TSHZ2: variants seen among roughly 807,000 people sequenced by gnomAD.
TSHZ2 encodes teashirt zinc finger homeobox 2.
A neutral mutation model predicts 74.4 loss-of-function variants in TSHZ2; 21 were observed. That is an observed-to-expected ratio of 0.28 (90% CI 0.20 to 0.41). The LOEUF (loss-of-function observed/expected upper bound fraction) is 0.41. Ranked by LOEUF, TSHZ2 falls within the 10% of genes least tolerant of loss-of-function variation. The probability of loss-of-function intolerance (pLI) is 1.00; values close to 1 mark genes in which losing one functional copy is unlikely to be tolerated. For missense variants in TSHZ2, 1,244 were observed against 1,293.5 expected (o/e 0.96, Z 0.59); for synonymous variants, 540 against 515.3 (o/e 1.05, Z -0.65).
At chr20:53,440,237 C>A (rs185081864) in intron 2 of TSHZ2, among the ~76,000 whole-genome samples, 1 of 152,044 alleles carries the variant, frequency 6.6e-6, no homozygotes, top group South Asian at 2.1e-4. Flanking sequence ...TTGGTGGTTG[C>A]GGGATCTTCA....
chr20:53,246,036 C>CTTTTTTTTTTTTTTTTTT (rs201257665), intron 1 of TSHZ2, among the ~76,000 whole-genome samples: 26 of 126,740 alleles, frequency 2.1e-4, no homozygotes, highest in African/African-American at 7.0e-4. Flanking sequence ...TTCTTTCTTT[C>CTTTTTTTTTTTTTTTTTT]TTTCTTTTTT....
chr20:53,469,045 T>TTATTTA (rs1555872220), intron 2 of TSHZ2, among the ~76,000 whole-genome samples: 1 of 49,112 alleles, frequency 2.0e-5, no homozygotes, highest in Non-Finnish European at 4.2e-5. Flanking sequence ...AATCGATATT[T>TTATTTA]TATATATATA....
At chr20:53,009,430 G>C (rs62206659) in intron 1 of TSHZ2, among the ~76,000 whole-genome samples, 1 of 152,104 alleles carries the variant, frequency 6.6e-6, no homozygotes, top group Non-Finnish European at 1.5e-5. Context: ...ATGATAAACC[G>C]TGTGTGCAAA....
At chr20:53,330,892 G>C (rs889521146) in intron 2 of TSHZ2, among the ~76,000 whole-genome samples, 1 of 152,148 alleles carries the variant, frequency 6.6e-6, no homozygotes, top group Admixed American at 6.5e-5. Flanking sequence ...TTCCCCACAA[G>C]AGCCTGGCTT....
intron 1 of TSHZ2, among the ~76,000 whole-genome samples, chr20:53,251,798 A>T (rs1568834640): frequency 1.3e-5 from 2 of 152,192 alleles, no homozygotes; most frequent in Non-Finnish European, 2.9e-5. Context: ...TGATGTGGTT[A>T]TCTATTTAGT....
intron 2 of TSHZ2, among the ~76,000 whole-genome samples, chr20:53,312,159 G>A (rs769717062): frequency 2.2e-4 from 33 of 152,184 alleles, no homozygotes; most frequent in Admixed American, 2.2e-3. Context: ...TACAGTAAGG[G>A]AAGATGCGGC....
At chr20:53,416,914 G>GA (rs1451645342) in intron 2 of TSHZ2, among the ~76,000 whole-genome samples, 2 of 152,120 alleles carry the variant, frequency 1.3e-5, no homozygotes, top group African/African-American at 4.8e-5. Flanking sequence ...ATTAATTCTT[G>GA]AAAAAGGCTG....
intron 1 of TSHZ2, among the ~76,000 whole-genome samples, chr20:53,079,663 C>A (rs1339752068): frequency 6.6e-6 from 1 of 152,150 alleles, no homozygotes; most frequent in African/African-American, 2.4e-5. Context: ...CAGCTGGCCC[C>A]ACACTGGTAA....
intron 2 of TSHZ2, among the ~76,000 whole-genome samples, chr20:53,408,846 G>C (rs1359138090): frequency 1.3e-5 from 2 of 152,232 alleles, no homozygotes; most frequent in African/African-American, 4.8e-5. Context: ...CAACTGAGCA[G>C]TGGGGTGATC....
At chr20:53,368,866 G>A (rs900750582) in intron 2 of TSHZ2, among the ~76,000 whole-genome samples, 1 of 152,204 alleles carries the variant, frequency 6.6e-6, no homozygotes, top group African/African-American at 2.4e-5. Flanking sequence ...TGTTCTCAGA[G>A]AGTTCTTATT....
chr20:53,200,877 A>G (rs1988988445), intron 1 of TSHZ2, among the ~76,000 whole-genome samples: 1 of 152,228 alleles, frequency 6.6e-6, no homozygotes, highest in African/African-American at 2.4e-5. Context: ...CTTTAAAATA[A>G]TTATGGTGGG....
intron 1 of TSHZ2, among the ~76,000 whole-genome samples, chr20:53,211,047 A>AAAC (rs776314739): frequency 4.5e-4 from 68 of 152,342 alleles, no homozygotes; most frequent in Admixed American, 5.9e-4. Flanking sequence ...GACATAATAA[A>AAAC]AACAGCAGCA....
intron 1 of TSHZ2, among the ~76,000 whole-genome samples, chr20:53,068,803 A>G (rs952368590): frequency 5.3e-5 from 8 of 151,996 alleles, no homozygotes; most frequent in Admixed American, 2.0e-4. Context: ...CTTTTCATGC[A>G]CTCTTTGGAT....
At chr20:53,359,752 G>C (rs1169622649) in intron 2 of TSHZ2, among the ~76,000 whole-genome samples, 1 of 152,190 alleles carries the variant, frequency 6.6e-6, no homozygotes, top group Non-Finnish European at 1.5e-5. Flanking sequence ...AGACAAAAGA[G>C]GGAAAGGAGA....
At chr20:53,336,691 G>A (rs199539413) in intron 2 of TSHZ2, among the ~76,000 whole-genome samples, 1 of 152,116 alleles carries the variant, frequency 6.6e-6, no homozygotes, top group Non-Finnish European at 1.5e-5. Context: ...CATGCCTCAC[G>A]TGCACTGTGC....
Position 53,255,363 on chromosome 20 carries a change from C to T in TSHZ2, c.1905C>T (p.Arg635=). ...GCCACAGTGAGGGCGATTCTTTCCG[C>T]AAAAGTGAAACACCTCCAGAAGCCA... is the stretch of plus-strand genomic sequence containing the variant. The part of the protein sequence containing the change: ...SFSHSEGDSF[R]KSETPPEAKK... Residue 635 remains arginine, a synonymous_variant, in exon 2 of 3, where the codon CGC becomes CGT. Transcript: ENST00000371497. The surrounding 1 kb of genome is among the most constrained non-coding windows in gnomAD (Gnocchi z 4.1). The T allele has an allele frequency of 6.2e-7, 1 of 1,614,068 alleles. No individual in the cohort carries two copies. Among genetic ancestry groups the T allele is most frequent in the Non-Finnish European group, 8.5e-7 (1 of 1,180,006 alleles).
intron 2 of TSHZ2, among the ~76,000 whole-genome samples, chr20:53,301,362 CT>C (rs1243428228): frequency 3.3e-5 from 5 of 152,208 alleles, no homozygotes; most frequent in Non-Finnish European, 7.3e-5. Context: ...AGTTCAGATT[CT>C]GTCTTTCTCA....
chr20:53,202,693 T>G (rs975171888), intron 1 of TSHZ2, among the ~76,000 whole-genome samples: 1 of 152,194 alleles, frequency 6.6e-6, no homozygotes, highest in Non-Finnish European at 1.5e-5. Flanking sequence ...AAATCTTTGC[T>G]CTTGAATTCT....
At chr20:53,128,212 C>A (rs1987000466) in intron 1 of TSHZ2, among the ~76,000 whole-genome samples, 1 of 152,174 alleles carries the variant, frequency 6.6e-6, no homozygotes, top group Non-Finnish European at 1.5e-5. Flanking sequence ...AAAACAAATT[C>A]TTCCACTGAA....
Sources: gnomAD v4.1 joint callset for allele counts (sites outside exome capture counted in the v4.1 genomes callset) on GRCh38, gnomAD v4.1.1 for gene constraint, Gnocchi (gnomAD v3.1) non-coding constraint, MANE v1.5 for transcripts, NCBI Gene and HGNC (gene_info 2026-07-23, HGNC 2026-07-21) for gene names.